DNAJC15: variants seen among roughly 807,000 people sequenced by gnomAD.
DNAJC15 encodes dnaJ homolog subfamily C member 15.
DNAJC15 carries 27 observed loss-of-function variants against 22.4 expected under a neutral mutation model. The observed-to-expected ratio is 1.20, with a 90% confidence interval of 0.89 to 1.66. The LOEUF (loss-of-function observed/expected upper bound fraction) is 1.66. Ranked by LOEUF, DNAJC15 falls within the 40% of genes most tolerant of loss-of-function variation. The pLI, the probability that DNAJC15 is intolerant of heterozygous loss-of-function variation, is 0.00. For missense variants in DNAJC15, 208 were observed against 187.1 expected (o/e 1.11, Z -0.65); for synonymous variants, 79 against 63.2 (o/e 1.25, Z -1.19).
chr13:43,097,035 T>A (rs2040743064), intron 5 of DNAJC15, among the ~76,000 whole-genome samples: 1 of 152,198 alleles, frequency 6.6e-6, no homozygotes, highest in Non-Finnish European at 1.5e-5. Context: ...ACATTGTTGC[T>A]TTTCGCCACT....
intron 5 of DNAJC15, among the ~76,000 whole-genome samples, chr13:43,095,473 A>C (rs1200167861): frequency 6.6e-6 from 1 of 152,212 alleles, no homozygotes; most frequent in East Asian, 1.9e-4. Flanking sequence ...ATAGGAATTG[A>C]ATAAATGACT....
chr13:43,071,766 G>A (rs943245890), intron 3 of DNAJC15, among the ~76,000 whole-genome samples: 2 of 152,116 alleles, frequency 1.3e-5, no homozygotes, highest in Non-Finnish European at 2.9e-5. Flanking sequence ...TCAACGGGGG[G>A]TCTCTTTTCC....
At chr13:43,081,843 T>G (rs1278101120) in intron 4 of DNAJC15, among the ~76,000 whole-genome samples, 1 of 152,058 alleles carries the variant, frequency 6.6e-6, no homozygotes, top group Admixed American at 6.5e-5. Flanking sequence ...CTGGGTAATT[T>G]ATAAGGAAAA....
Position 43,109,859 on chromosome 13 carries a change from TAAAAAG to T in DNAJC15, c.*2615_*2620del, listed in dbSNP as rs1378120099. 4.2e-5 allele frequency: 6 copies of T among 142,088 alleles called. No individual in the cohort carries two copies. The highest frequency in any genetic ancestry group is 8.1e-5 in the Non-Finnish European group (5 of 61,590). The allele number at this position is 142,088 out of a possible 1,614,324, so 8.8% of individuals were successfully genotyped here. A position where few individuals can be genotyped will look rare whatever the true frequency, so the allele number is the denominator to read the frequency against. On this transcript the variant is annotated 3_prime_UTR_variant, in exon 6 of 6. Coordinates refer to ENST00000379221, the MANE Select transcript of DNAJC15 (RefSeq NM_013238.3). ...ATGTGCCCTAGAACTTAAAGTATAA[TAAAAAG>T]AAATTTTAAAAAATCCTGTCAAATA...
chr13:43,078,281 C>G (rs1195242581), intron 3 of DNAJC15, among the ~76,000 whole-genome samples: 1 of 152,168 alleles, frequency 6.6e-6, no homozygotes, highest in South Asian at 2.1e-4. Flanking sequence ...CATTAAATGA[C>G]TTCATCAAGG....
At chr13:43,054,659 C>T (rs1389302760) in intron 1 of DNAJC15, among the ~76,000 whole-genome samples, 1 of 152,044 alleles carries the variant, frequency 6.6e-6, no homozygotes, top group Admixed American at 6.5e-5. Context: ...TGGAATTTAT[C>T]CATCTCCTCT....
At chr13:43,059,847 C>CGG (rs1426625823) in intron 1 of DNAJC15, among the ~76,000 whole-genome samples, 3 of 151,788 alleles carry the variant, frequency 2.0e-5, no homozygotes, top group Admixed American at 6.6e-5. Context: ...AGCAATGTTT[C>CGG]GCGGGCATGG....
chr13:43,083,317 G>A (rs374926048), intron 4 of DNAJC15, among the ~76,000 whole-genome samples: 7 of 152,020 alleles, frequency 4.6e-5, no homozygotes, highest in African/African-American at 1.7e-4. Flanking sequence ...ACAGGCGCCC[G>A]CCACCACGCC....
At chr13:43,094,236 AT>A (rs57162182) in intron 5 of DNAJC15, among the ~76,000 whole-genome samples, 6,324 of 152,258 alleles carry the variant, frequency 0.042, 445 homozygotes, top group African/African-American at 0.15. Flanking sequence ...CATTGGTCAA[AT>A]ACTGCTTCAC....
At chr13:43,094,289 A>T (rs945177838) in intron 5 of DNAJC15, among the ~76,000 whole-genome samples, 4 of 152,298 alleles carry the variant, frequency 2.6e-5, no homozygotes, top group African/African-American at 9.6e-5. Context: ...ATTTCATTTT[A>T]TCAGTATTTC....
intron 1 of DNAJC15, among the ~76,000 whole-genome samples, chr13:43,054,547 T>A (rs941122629): frequency 6.6e-6 from 1 of 152,194 alleles, no homozygotes; most frequent in East Asian, 1.9e-4. Flanking sequence ...CTTTTTTTTG[T>A]TGACAGTTTT....
At chr13:43,103,255 ACT>A (rs755472360) in intron 5 of DNAJC15, among the ~76,000 whole-genome samples, 4 of 152,200 alleles carry the variant, frequency 2.6e-5, no homozygotes, top group East Asian at 3.9e-4. Flanking sequence ...TGTTTCTGAA[ACT>A]CTGTGTTGGA....
intron 1 of DNAJC15, among the ~76,000 whole-genome samples, chr13:43,032,519 A>G (rs1259573874): frequency 6.6e-6 from 1 of 152,124 alleles, no homozygotes; most frequent in Non-Finnish European, 1.5e-5. Flanking sequence ...TTTCCATGCT[A>G]TTGGAGATAA....
At chr13:43,101,978 T>C (rs1355665330) in intron 5 of DNAJC15, among the ~76,000 whole-genome samples, 1 of 152,178 alleles carries the variant, frequency 6.6e-6, no homozygotes, top group East Asian at 1.9e-4. Context: ...AAATGGCAGG[T>C]CTTTTAGTTC....
chr13:43,068,858 C>A, intron 2 of DNAJC15, 72 bp from the exon 3 acceptor site: 2 of 1,258,270 alleles, frequency 1.6e-6, no homozygotes, highest in Non-Finnish European at 2.3e-6. Flanking sequence ...AATACTGTTG[C>A]AAGCACTTTG....
Position 43,044,047 on chromosome 13 carries a change from C to T in DNAJC15, c.108+20313C>T, listed in dbSNP as rs191635934. ...CTTTTTCTTGAATGTAAATTCTCCT[C>T]CCCTCCTTATTCTAATCTGCATGTA... On this transcript the variant is annotated intron_variant, in intron 1 of 5. Transcript: ENST00000379221. Among the ~76,000 whole-genome samples the T allele has an allele frequency of 1.8e-4, 28 of 152,202 alleles. 1 individual carries two copies. Among genetic ancestry groups the T allele is most frequent in the African/African-American group, 6.5e-4 (27 of 41,526 alleles).
chr13:43,099,858 T>C (rs916162276), intron 5 of DNAJC15, among the ~76,000 whole-genome samples: 2 of 152,150 alleles, frequency 1.3e-5, no homozygotes, highest in African/African-American at 4.8e-5. Context: ...TTAGTATCTT[T>C]GCATCCACAC....
intron 1 of DNAJC15, among the ~76,000 whole-genome samples, chr13:43,024,406 C>T (rs748704367): frequency 1.5e-5 from 2 of 132,780 alleles, no homozygotes; most frequent in Non-Finnish European, 3.1e-5. Context: ...TGCAGTGGCG[C>T]GATCTCGGCT....
At chr13:43,097,878 G>A (rs1305704830) in intron 5 of DNAJC15, among the ~76,000 whole-genome samples, 5 of 152,148 alleles carry the variant, frequency 3.3e-5, no homozygotes, top group Admixed American at 1.3e-4. Context: ...CAGAGGTTGC[G>A]GTGAGCCAAG....
Sources: gnomAD v4.1 joint callset for allele counts (sites outside exome capture counted in the v4.1 genomes callset) on GRCh38, gnomAD v4.1.1 for gene constraint, MANE v1.5 for transcripts, NCBI Gene and HGNC (gene_info 2026-07-23, HGNC 2026-07-21) for gene names.